Variants in BIRC6 observed in about 807,000 individuals in gnomAD.
BIRC6 encodes dual E2 ubiquitin-conjugating enzyme/E3 ubiquitin-protein ligase BIRC6.
A neutral mutation model predicts 503.3 loss-of-function variants in BIRC6; 98 were observed. The observed-to-expected ratio is 0.19, with a 90% CI of 0.17 to 0.23. The LOEUF (loss-of-function observed/expected upper bound fraction) is 0.23, where lower values mean the gene tolerates loss of function less well. Ranked by LOEUF, BIRC6 falls within the 10% of genes least tolerant of loss-of-function variation. BIRC6 has a pLI of 1.00. For missense variants in BIRC6, 5,360 were observed against 5,806.0 expected (o/e 0.92, Z 2.50); for synonymous variants, 2,240 against 2,078.7 (o/e 1.08, Z -2.11).
chr2:32,482,041 T>C (rs1310184956), intron 38 of BIRC6, among the ~76,000 whole-genome samples: 2 of 152,342 alleles, frequency 1.3e-5, no homozygotes, highest in East Asian at 1.9e-4. Flanking sequence ...AGTATAGTTA[T>C]AGATCACCAA....
At chr2:32,603,551 A>T (rs916868365) in intron 71 of BIRC6, among the ~76,000 whole-genome samples, 7 of 152,164 alleles carry the variant, frequency 4.6e-5, no homozygotes, top group African/African-American at 1.7e-4. Context: ...CCGCATCTCT[A>T]CTAAAAATAC....
At chr2:32,365,014 C>T (rs538417597) in intron 1 of BIRC6, among the ~76,000 whole-genome samples, 57 of 152,230 alleles carry the variant, frequency 3.7e-4, no homozygotes, top group African/African-American at 1.3e-3. Flanking sequence ...ATTCGGATCT[C>T]AATAGCCCTA....
chr2:32,397,699 C>CAT (rs1395773473), intron 6 of BIRC6, among the ~76,000 whole-genome samples: 4 of 143,110 alleles, frequency 2.8e-5, no homozygotes, highest in Admixed American at 7.0e-5. Flanking sequence ...TATGTACACA[C>CAT]ACACACACAC....
intron 22 of BIRC6, among the ~76,000 whole-genome samples, chr2:32,449,635 G>A (rs2046462353): frequency 6.7e-6 from 1 of 149,726 alleles, no homozygotes; most frequent in South Asian, 2.1e-4. Flanking sequence ...TAAATTTTGA[G>A]AGAGAAGTTC....
At chr2:32,515,840 G>T in intron 55 of BIRC6, 70 bp downstream of exon 55, 1 of 1,378,364 alleles carries the variant, frequency 7.3e-7, no homozygotes, top group Non-Finnish European at 9.7e-7. Context: ...TAAAGGCCAG[G>T]TAATAATAAA....
At position 32,464,597 on chromosome 2, in the gene BIRC6, C is replaced by T; in HGVS notation, c.5030C>T (p.Pro1677Leu). 4 of 1,613,272 alleles carry T rather than the reference C, an allele frequency of 2.5e-6. No individual in the cohort carries two copies. The highest frequency in any genetic ancestry group is 3.4e-6 in the Non-Finnish European group (4 of 1,179,490). The change falls in exon 25 of 74, where the codon CCT becomes CTT. Residue 1677 changes from proline (P) to leucine (L), a missense_variant. Physicochemically the swap from Pro to Leu is moderately conservative, Grantham distance 98 (BLOSUM62 -3). Around this residue, in one of 16 missense-constraint regions of BIRC6, gnomAD observed 2,299 missense variants for 2,267.2 expected, o/e 1.01. Transcript: ENST00000421745. ...SAVGPVHNSV[P>L]SNPVAAPGFF... ...GTAGGTCCTGTTCACAACTCTGTGCCTTCCAACCCAGTGGCTGCCCCTGGA... is the reference window on the plus strand; with the variant it reads ...GTAGGTCCTGTTCACAACTCTGTGCTTTCCAACCCAGTGGCTGCCCCTGGA...
At chr2:32,506,615 A>G (rs2053825834) in intron 50 of BIRC6, among the ~76,000 whole-genome samples, 1 of 152,240 alleles carries the variant, frequency 6.6e-6, no homozygotes, top group East Asian at 1.9e-4. Flanking sequence ...TGGGAATTGA[A>G]ACAGGAAGCA....
intron 65 of BIRC6, among the ~76,000 whole-genome samples, chr2:32,556,046 C>T (rs775165598): frequency 3.0e-4 from 46 of 152,060 alleles, no homozygotes; most frequent in Non-Finnish European, 5.0e-4. Context: ...AATTAAAACA[C>T]TTGCCTATGT....
intron 52 of BIRC6, 125 bp from the exon 53 acceptor site, chr2:32,510,401 T>A: frequency 1.5e-6 from 1 of 660,482 alleles, no homozygotes; most frequent in Non-Finnish European, 2.7e-6. Context: ...TTTTAGAGTT[T>A]GTTCTGTGTT....
intron 70 of BIRC6, chr2:32,602,416 T>C (rs2062125568): frequency 6.6e-6 from 1 of 152,150 alleles, no homozygotes; most frequent in African/African-American, 2.4e-5. Context: ...AGAATAGTGG[T>C]ACTAAAGCTG....
chr2:32,421,795 A>C lies in BIRC6; in HGVS notation c.2872+5632A>C, dbSNP rs188552546. On this transcript the variant is annotated intron_variant, in intron 10 of 73. Coordinates refer to ENST00000421745, the MANE Select transcript of BIRC6 (RefSeq NM_016252.4). ...GAATGTTCTGTGTGCACTTGAAAAG[A>C]ATTTGTGTTGGGCACCCATGGGGTA... Among the ~76,000 whole-genome samples, 6 of 152,286 alleles carry C rather than the reference A, an allele frequency of 3.9e-5. No homozygotes were observed. In the East Asian group the frequency reaches 9.6e-4, roughly 24 times the overall value.
At chr2:32,423,266 C>T (rs1262801539) in intron 10 of BIRC6, among the ~76,000 whole-genome samples, 2 of 152,046 alleles carry the variant, frequency 1.3e-5, no homozygotes, top group East Asian at 3.9e-4. Flanking sequence ...ATTATTGGGT[C>T]ATGGGTTATA....
intron 45 of BIRC6, 65 bp from the exon 46 acceptor site, chr2:32,499,482 A>T: frequency 7.3e-7 from 1 of 1,364,702 alleles, no homozygotes; most frequent in Non-Finnish European, 9.7e-7. Context: ...TTAATTTTTA[A>T]TCCTTTCTCT....
At chr2:32,590,847 G>A (rs762061921) in intron 66 of BIRC6, 20 of 985,694 alleles carry the variant, frequency 2.0e-5, no homozygotes, top group Non-Finnish European at 2.2e-5. Flanking sequence ...ACAAAGCAGC[G>A]GATACCATGG....
At chr2:32,364,808 C>G (rs1013834553) in intron 1 of BIRC6, among the ~76,000 whole-genome samples, 4 of 145,334 alleles carry the variant, frequency 2.8e-5, no homozygotes, top group Admixed American at 7.0e-5. Flanking sequence ...GATCAAACTT[C>G]AGGCCCAGAG....
intron 45 of BIRC6, 60 bp from the exon 46 acceptor site, chr2:32,499,487 T>C: frequency 7.2e-7 from 1 of 1,384,742 alleles, no homozygotes; most frequent in Admixed American, 2.8e-5. Context: ...TTTTAATCCT[T>C]TCTCTTGTTG....
chr2:32,494,438 G>A (rs2052168013), intron 45 of BIRC6, among the ~76,000 whole-genome samples: 1 of 151,674 alleles, frequency 6.6e-6, no homozygotes, highest in African/African-American at 2.4e-5. Context: ...ATGTTGGCCA[G>A]GGTGGTCTCG....
At chr2:32,439,474 C>T (rs2045154786) in intron 15 of BIRC6, 34 bp from the exon 16 acceptor site, 1 of 1,570,820 alleles carries the variant, frequency 6.4e-7, no homozygotes, top group African/African-American at 1.4e-5. Context: ...ATTGGTGATT[C>T]AGTTATTTTC....
chr2:32,419,662 T>C (rs1574075779), intron 10 of BIRC6, among the ~76,000 whole-genome samples: 1 of 152,232 alleles, frequency 6.6e-6, no homozygotes, highest in South Asian at 2.1e-4. Flanking sequence ...AAGGCCGCAA[T>C]TAATAGGGAA....
Sources: gnomAD v4.1 joint callset for allele counts (sites outside exome capture counted in the v4.1 genomes callset) on GRCh38, gnomAD v4.1.1 for gene constraint, gnomAD v4.1.1 regional missense constraint, MANE v1.5 for transcripts, NCBI Gene and HGNC (gene_info 2026-07-23, HGNC 2026-07-21) for gene names.